CACNA1H: variants seen among roughly 807,000 people sequenced by gnomAD.
CACNA1H encodes voltage-dependent T-type calcium channel subunit alpha-1H.
In CACNA1H, 149 loss-of-function variants were observed where a neutral mutation model predicts 192.5. The observed-to-expected ratio is 0.77, with a 90% CI of 0.68 to 0.89. The LOEUF (loss-of-function observed/expected upper bound fraction) is 0.89. Among genes scored for constraint, CACNA1H ranks in the 40% least tolerant of loss-of-function variants. The probability of loss-of-function intolerance (pLI) is 0.00; values close to 1 mark genes in which losing one functional copy is unlikely to be tolerated. For missense variants in CACNA1H, 4,257 were observed against 3,423.5 expected (o/e 1.24, Z -6.08); for synonymous variants, 2,202 against 1,475.2 (o/e 1.49, Z -11.29).
At chr16:1,174,044 T>C (rs1053412200) in intron 2 of CACNA1H, among the ~76,000 whole-genome samples, 18 of 152,232 alleles carry the variant, frequency 1.2e-4, no homozygotes, top group African/African-American at 4.3e-4. Flanking sequence ...GAAGTTGACC[T>C]GTGCATACAG....
At chr16:1,161,354 C>A (rs1423748533) in intron 2 of CACNA1H, among the ~76,000 whole-genome samples, 1 of 152,222 alleles carries the variant, frequency 6.6e-6, no homozygotes, top group Admixed American at 6.5e-5. Flanking sequence ...CCTGTGTTCT[C>A]ACCCCTTCTC....
At position 1,196,036 on chromosome 16, in the gene CACNA1H, C is replaced by G; in HGVS notation, c.643+13C>G. 6.2e-7 allele frequency: 1 copy of G among 1,606,376 alleles called. No individual in the cohort carries two copies. Among genetic ancestry groups the G allele is most frequent in the Non-Finnish European group, 8.5e-7 (1 of 1,173,994 alleles). ...AACCGCGTGCCTAGTAAGTGACCGG[C>G]CCCGACTGGGCTTGAGATCAACAGG... On this transcript the variant is annotated intron_variant, in intron 5 of 34. Transcript: ENST00000348261.
chr16:1,172,629 TTTA>T lies in CACNA1H; in HGVS notation c.299+18600_299+18602del, dbSNP rs148699298. Among the ~76,000 whole-genome samples the T allele has an allele frequency of 6.9e-3, 1,057 of 152,302 alleles. 9 individuals carry two copies. The highest frequency in any genetic ancestry group is 0.024 in the African/African-American group (990 of 41,570). ...GCTCCCGGCTTCTGTAATTAAACGA[TTTA>T]TTATTAAAGCAGCCGCTTTCCCATA... On this transcript the variant is annotated intron_variant, in intron 2 of 34. Coordinates refer to ENST00000348261, the MANE Select transcript of CACNA1H (RefSeq NM_021098.3).
intron 2 of CACNA1H, among the ~76,000 whole-genome samples, chr16:1,171,138 A>C: frequency 6.7e-6 from 1 of 149,474 alleles, no homozygotes; most frequent in Non-Finnish European, 1.5e-5. Context: ...GTGCCTTCCC[A>C]CCCGCACCCC....
Position 1,209,424 on chromosome 16 carries a change from G to T in CACNA1H, c.3744+12G>T, listed in dbSNP as rs1969160000. 6.3e-7 allele frequency: 1 copy of T among 1,593,714 alleles called. No individual in the cohort carries two copies. On this transcript the variant is annotated intron_variant, in intron 17 of 34. Coordinates refer to ENST00000348261, the MANE Select transcript of CACNA1H (RefSeq NM_021098.3). The stretch of plus-strand genomic sequence containing the variant: ...ACGACTCGGAGGACGTGAGTGCGTG[G>T]CCCTGGGCCCACCGCCGACTCGCCT...
At position 1,201,812 on chromosome 16, in the gene CACNA1H, CA is replaced by C; in HGVS notation, c.1363del (p.Ser455AlafsTer7). 1 of 1,586,380 alleles carries C rather than the reference CA, an allele frequency of 6.3e-7. No individual in the cohort carries two copies. Among genetic ancestry groups the C allele is most frequent in the Non-Finnish European group, 8.6e-7 (1 of 1,167,292 alleles). On this transcript the variant is annotated frameshift_variant, in exon 9 of 35. Transcript: ENST00000348261. LOFTEE classifies it high-confidence loss of function. ...STLASFSEPG[S>X]CYEELLKYVG... ...CGCTGGCCAGCTTCTCCGAGCCTGG[CA>C]GCTGCTACGAAGAGCTGCTGAAGTA... is the stretch of plus-strand genomic sequence containing the variant.
chr16:1,154,430 CGAG>C (rs992334156), intron 2 of CACNA1H, among the ~76,000 whole-genome samples: 1 of 152,050 alleles, frequency 6.6e-6, no homozygotes, highest in African/African-American at 2.4e-5. Context: ...AGGTCCTGCC[CGAG>C]GCAGGCCCCT....
chr16:1,154,213 G>C (rs1443204726), intron 2 of CACNA1H, among the ~76,000 whole-genome samples, 177 bp downstream of exon 2: 1 of 151,734 alleles, frequency 6.6e-6, no homozygotes, highest in African/African-American at 2.4e-5. Flanking sequence ...ATTTCTGAGA[G>C]TGGCGGGCTT....
At chr16:1,179,094 C>A (rs1943126088) in intron 2 of CACNA1H, among the ~76,000 whole-genome samples, 1 of 152,212 alleles carries the variant, frequency 6.6e-6, no homozygotes, top group South Asian at 2.1e-4. Context: ...GTTCAGCCCT[C>A]CCTGCACACT....
Position 1,221,570 on chromosome 16 carries a change from T to C in CACNA1H, c.*576T>C, listed in dbSNP as rs1441545062. 3 of 552,036 alleles carry C rather than the reference T, an allele frequency of 5.4e-6. No homozygotes were observed. The highest frequency in any genetic ancestry group is 9.5e-6 in the Non-Finnish European group (3 of 316,026). The allele number at this position is 552,036 out of a possible 1,614,324, so 34.2% of individuals were successfully genotyped here. A position where few individuals can be genotyped will look rare whatever the true frequency, so the allele number is the denominator to read the frequency against. ...ACACCTCACTAAGGGGCCGACCCCA[T>C]GGAGTAACGCGCCCGGCCCCGATGC... On this transcript the variant is annotated 3_prime_UTR_variant, in exon 35 of 35. Coordinates refer to ENST00000348261, the MANE Select transcript of CACNA1H (RefSeq NM_021098.3).
chr16:1,167,711 G>A lies in CACNA1H; in HGVS notation c.299+13675G>A, dbSNP rs927398601. On this transcript the variant is annotated intron_variant, in intron 2 of 34. Coordinates refer to ENST00000348261, the MANE Select transcript of CACNA1H (RefSeq NM_021098.3). The surrounding 1 kb of genome is among the most constrained non-coding windows in gnomAD (Gnocchi z 4.2). Reference sequence around the variant, plus strand: ...AAGCCGGCTCCTGGCTAGGGACCCCGAGACCCCTCCTTTGCTTCCTGAAAG... The same window carrying A: ...AAGCCGGCTCCTGGCTAGGGACCCCAAGACCCCTCCTTTGCTTCCTGAAAG... 2.6e-5 allele frequency among the ~76,000 whole-genome samples: 4 copies of A among 152,160 alleles called. No homozygotes were observed. The highest frequency in any genetic ancestry group is 5.9e-5 in the Non-Finnish European group (4 of 68,024).
At chr16:1,168,896 C>T (rs1964078337) in intron 2 of CACNA1H, among the ~76,000 whole-genome samples, 1 of 152,100 alleles carries the variant, frequency 6.6e-6, no homozygotes, top group African/African-American at 2.4e-5. Flanking sequence ...GGGTGCCCCG[C>T]TCTGAAGTAC....
chr16:1,221,474 C>T lies in CACNA1H; in HGVS notation c.*480C>T, dbSNP rs1293733603. On this transcript the variant is annotated 3_prime_UTR_variant, in exon 35 of 35. Transcript: ENST00000348261. Reference sequence around the variant, plus strand: ...CGCCTGTCACGCCCTCACCACCCTCCCCTTCCAGCCACCACCCTTTCCGTT... The same window carrying T: ...CGCCTGTCACGCCCTCACCACCCTCTCCTTCCAGCCACCACCCTTTCCGTT... 1.7e-5 allele frequency: 6 copies of T among 358,400 alleles called. No individual in the cohort carries two copies. Among genetic ancestry groups the T allele is most frequent in the African/African-American group, 1.3e-4 (6 of 46,958 alleles). 22.2% of individuals were successfully genotyped at this position (358,400 alleles called of 1,614,324 possible).
In CACNA1H at chr16:1,206,300, C is replaced by A. The variant is rs373581610; in HGVS notation, c.2789+11C>A. 7 of 1,548,420 alleles carry A rather than the reference C, an allele frequency of 4.5e-6. No individual in the cohort carries two copies. The highest frequency in any genetic ancestry group is 4.6e-4 in the Middle Eastern group (2 of 4,386). On this transcript the variant is annotated intron_variant, in intron 12 of 34. Transcript: ENST00000348261. ...CATTTTCATCTTCAGGTGGGCGCAA[C>A]CCCCCTCCCGGCCCGCCCAGTGTCT...
At chr16:1,179,269 C>T (rs1249435964) in intron 2 of CACNA1H, among the ~76,000 whole-genome samples, 4 of 152,130 alleles carry the variant, frequency 2.6e-5, no homozygotes, top group African/African-American at 9.7e-5. Context: ...GCCTCAGGGG[C>T]TCCTGGGTAG....
chr16:1,207,651 C>T (rs975501413), intron 14 of CACNA1H, 119 bp from the exon 15 acceptor site: 4 of 993,288 alleles, frequency 4.0e-6, no homozygotes, highest in Non-Finnish European at 6.1e-6. Context: ...GCAGTGACAT[C>T]ATCCTCTGGG....
chr16:1,184,584 GC>G (rs1415650266), intron 2 of CACNA1H, among the ~76,000 whole-genome samples: 3 of 152,254 alleles, frequency 2.0e-5, no homozygotes, highest in Admixed American at 1.3e-4. Context: ...AGGCATCCAG[GC>G]CCCCTGGTGG....
chr16:1,154,499 G>A (rs1305834300), intron 2 of CACNA1H, among the ~76,000 whole-genome samples: 1 of 152,170 alleles, frequency 6.6e-6, no homozygotes, highest in African/African-American at 2.4e-5. Context: ...GTTTTCAGCC[G>A]GCGCCTGGTG....
chr16:1,156,750 C>G (rs1185232614), intron 2 of CACNA1H, among the ~76,000 whole-genome samples: 1 of 151,874 alleles, frequency 6.6e-6, no homozygotes, highest in Non-Finnish European at 1.5e-5. Context: ...AGCTGCTGTC[C>G]GCCGGGCCCA....
Sources: gnomAD v4.1 joint callset for allele counts (sites outside exome capture counted in the v4.1 genomes callset) on GRCh38, gnomAD v4.1.1 for gene constraint, Gnocchi (gnomAD v3.1) non-coding constraint, MANE v1.5 for transcripts, NCBI Gene and HGNC (gene_info 2026-07-23, HGNC 2026-07-21) for gene names.